The following DDX18 variants were observed in gnomAD, a reference collection of about 807,000 sequenced individuals.
DDX18 encodes ATP-dependent RNA helicase DDX18.
DDX18 carries 23 observed loss-of-function variants against 73.5 expected under a neutral mutation model. That is an observed-to-expected ratio of 0.31 (90% CI 0.23 to 0.44). The LOEUF (loss-of-function observed/expected upper bound fraction) is 0.44, where lower values mean the gene tolerates loss of function less well. Among genes scored for constraint, DDX18 ranks in the 20% least tolerant of loss-of-function variants. The pLI is 1.00. For synonymous variants in DDX18, 268 were observed against 282.7 expected (o/e 0.95, Z 0.52); for missense variants, 753 against 792.9 (o/e 0.95, Z 0.60).
chr2:117,815,954 G>A (rs1331639651), intron 1 of DDX18, among the ~76,000 whole-genome samples: 1 of 152,166 alleles, frequency 6.6e-6, no homozygotes, highest in Non-Finnish European at 1.5e-5. Context: ...CTCGTAAGCT[G>A]TCATCCTGTA....
intron 7 of DDX18, among the ~76,000 whole-genome samples, chr2:117,822,977 C>G (rs1679871553): frequency 6.6e-6 from 1 of 152,090 alleles, no homozygotes; most frequent in Admixed American, 6.5e-5. Context: ...TAGGAGTGTC[C>G]TAGTTGGTAT....
chr2:117,828,858 C>G, intron 11 of DDX18, 91 bp from the exon 12 acceptor site: 1 of 895,552 alleles, frequency 1.1e-6, no homozygotes, highest in Non-Finnish European at 1.8e-6. Flanking sequence ...GAGGGAATTT[C>G]ATAGGCCGGT....
rs1220875980 is a variant in DDX18 at position 117,830,880 on chromosome 2, C to G, written c.*156C>G. 1.3e-6 allele frequency: 1 copy of G among 774,936 alleles called. No homozygotes were observed. The highest frequency in any genetic ancestry group is 1.8e-5 in the African/African-American group (1 of 55,104). The allele number at this position is 774,936 out of a possible 1,614,324, so 48.0% of individuals were successfully genotyped here. On this transcript the variant is annotated 3_prime_UTR_variant, in exon 14 of 14. Coordinates refer to ENST00000263239, the MANE Select transcript of DDX18 (RefSeq NM_006773.4). ...AAGCACTGAGCACTGTTACTTCTATCACGTCTCTCTTTTATTTCTGGGATA... is the reference window on the plus strand; with the variant it reads ...AAGCACTGAGCACTGTTACTTCTATGACGTCTCTCTTTTATTTCTGGGATA...
chr2:117,829,599 G>A (rs145751125), intron 13 of DDX18, 133 bp downstream of exon 13: 3 of 868,514 alleles, frequency 3.5e-6, no homozygotes, highest in Non-Finnish European at 5.4e-6. Context: ...CCTGGTCGAT[G>A]TCTGCTTTTC....
chr2:117,816,969 C>T (rs17047447), intron 1 of DDX18, among the ~76,000 whole-genome samples: 3,282 of 152,314 alleles, frequency 0.022, 120 homozygotes, highest in African/African-American at 0.074. Flanking sequence ...GTGGTCTTAT[C>T]AACTGAATTT....
chr2:117,816,723 T>G (rs1459086431), intron 1 of DDX18, among the ~76,000 whole-genome samples: 1 of 152,262 alleles, frequency 6.6e-6, no homozygotes, highest in Admixed American at 6.5e-5. Flanking sequence ...TACATAATTA[T>G]GTGTGCTGTA....
At position 117,821,666 on chromosome 2, in the gene DDX18, G is replaced by A; in HGVS notation, c.667G>A (p.Ala223Thr). Residue 223 changes from alanine to threonine, a missense_variant, in exon 5 of 14, where the codon GCA becomes ACA. Physicochemically the swap from Ala to Thr is moderately conservative, Grantham distance 58 (BLOSUM62 0). Transcript: ENST00000263239. Reference sequence around the variant, plus strand: ...AATATTTAGGGATCTTCTAGCAGCTGCAAAAACAGGCAGTGGTAAAACCCT... The same window carrying A: ...AATATTTAGGGATCTTCTAGCAGCTACAAAAACAGGCAGTGGTAAAACCCT... ...LLEGRDLLAA[A>T]KTGSGKTLAF... The A allele has an allele frequency of 6.2e-7, 1 of 1,613,938 alleles. No homozygotes were observed.
intron 1 of DDX18, among the ~76,000 whole-genome samples, chr2:117,815,962 G>A (rs1337263349): frequency 6.6e-6 from 1 of 152,098 alleles, no homozygotes; most frequent in East Asian, 1.9e-4. Context: ...CTGTCATCCT[G>A]TACAGCATGT....
intron 1 of DDX18, 138 bp downstream of exon 1, chr2:117,815,000 C>A: frequency 1.2e-6 from 1 of 839,882 alleles, no homozygotes; most frequent in South Asian, 1.6e-5. Context: ...AGTGAAAAGG[C>A]AGCTTCCACT....
Position 117,814,882 on chromosome 2 carries a change from G to C in DDX18, c.85+20G>C, listed in dbSNP as rs1296223815. On this transcript the variant is annotated intron_variant, in intron 1 of 13. Coordinates refer to ENST00000263239, the MANE Select transcript of DDX18 (RefSeq NM_006773.4). Reference sequence around the variant, plus strand: ...TTCAGGGTGAGATGCGTTGACTCGCGGTGGCTCAGAAGACCCACGCGCGAG... The same window carrying C: ...TTCAGGGTGAGATGCGTTGACTCGCCGTGGCTCAGAAGACCCACGCGCGAG... The C allele has an allele frequency of 1.9e-6, 3 of 1,613,750 alleles. No homozygotes were observed. The highest frequency in any genetic ancestry group is 2.5e-6 in the Non-Finnish European group (3 of 1,179,860).
chr2:117,814,963 T>G, intron 1 of DDX18, 101 bp downstream of exon 1: 3 of 1,204,316 alleles, frequency 2.5e-6, no homozygotes, highest in Non-Finnish European at 3.7e-6. Flanking sequence ...GGAGGCAGCT[T>G]CCCCTGCAGC....
Position 117,819,708 on chromosome 2 carries a change from A to G in DDX18, c.430A>G (p.Thr144Ala), listed in dbSNP as rs1679813684. The G allele has an allele frequency of 6.2e-7, 1 of 1,609,562 alleles. No homozygotes were observed. Among genetic ancestry groups the G allele is most frequent in the African/African-American group, 1.3e-5 (1 of 74,750 alleles). ...ATCTGAAGAAGAAAGTGCCGAGACT[A>G]CTAAAGAAACAGAAAATAATGTGGA... ...GKSEEESAET[T>A]KETENNVEKP... The change falls in exon 3 of 14, where the codon ACT (threonine) becomes GCT (alanine). Residue 144 changes from threonine (T) to alanine (A), a missense_variant. Around this residue, in one of 3 missense-constraint regions of DDX18, gnomAD observed 345 missense variants for 352.0 expected, o/e 0.98. Transcript: ENST00000263239.
In DDX18 at chr2:117,821,926, G is replaced by C; in HGVS notation, c.816G>C (p.Lys272Asn). ...ELAMQTFGVL[K>N]ELMTHHVHTY... is the part of the protein sequence containing the mutation. ...CCATGCAAACCTTTGGTGTTCTTAA[G>C]GAGCTGATGACTCACCACGTGCATA... is the stretch of plus-strand genomic sequence containing the variant. Residue 272 changes from lysine (K) to asparagine (N), a missense_variant, in exon 6 of 14, where the codon AAG (lysine) becomes AAC (asparagine). Transcript: ENST00000263239. 1 of 1,614,084 alleles carries C rather than the reference G, an allele frequency of 6.2e-7. No homozygotes were observed. Among genetic ancestry groups the C allele is most frequent in the South Asian group, 1.1e-5 (1 of 91,088 alleles).
At chr2:117,818,076 A>G (rs1679788027) in intron 2 of DDX18, among the ~76,000 whole-genome samples, 1 of 152,134 alleles carries the variant, frequency 6.6e-6, no homozygotes, top group South Asian at 2.1e-4. Flanking sequence ...TCCCTTTGAA[A>G]GGAATATTAG....
intron 11 of DDX18, 31 bp downstream of exon 11, chr2:117,826,413 C>T (rs1194912287): frequency 6.3e-7 from 1 of 1,593,388 alleles, no homozygotes; most frequent in Non-Finnish European, 8.6e-7. Context: ...AAAGATTTCT[C>T]TTGGTGTAGG....
chr2:117,825,633 C>A, intron 10 of DDX18, 34 bp downstream of exon 10: 1 of 1,602,996 alleles, frequency 6.2e-7, no homozygotes, highest in Non-Finnish European at 8.5e-7. Flanking sequence ...TTCAGAATGA[C>A]TCTGCATTAA....
Position 117,817,611 on chromosome 2 carries a change from A to G in DDX18, c.253A>G (p.Lys85Glu), listed in dbSNP as rs1679781227. 1.9e-6 allele frequency: 3 copies of G among 1,613,934 alleles called. No homozygotes were observed. Among genetic ancestry groups the G allele is most frequent in the African/African-American group, 1.3e-5 (1 of 74,926 alleles). The change falls in exon 2 of 14, where the codon AAG becomes GAG. Residue 85 changes from lysine to glutamate, a missense_variant. Physicochemically the swap from Lys to Glu is moderately conservative, Grantham distance 56. This residue lies in a region of DDX18 where 345 missense variants were observed against 352.0 expected (regional missense o/e 0.98). Transcript: ENST00000263239. ...AGCAGTGGGAAATATAAAAGTTACA[A>G]AGTCTCCCCAGAAATCCACTGTATT... ...QEAVGNIKVT[K>E]SPQKSTVLTN...
At chr2:117,827,342 T>TTTATTATTA (rs1379182273) in intron 11 of DDX18, 2 of 152,192 alleles carry the variant, frequency 1.3e-5, no homozygotes, top group African/African-American at 4.8e-5. Flanking sequence ...TCTTTCTTTT[T>TTTATTATTA]TTATTATTAT....
chr2:117,820,121 G>A (rs752763371), intron 3 of DDX18, among the ~76,000 whole-genome samples: 1 of 152,172 alleles, frequency 6.6e-6, no homozygotes. Context: ...CCTGTACGAG[G>A]TTAACCTCCT....
Sources: gnomAD v4.1 joint callset for allele counts (sites outside exome capture counted in the v4.1 genomes callset) on GRCh38, gnomAD v4.1.1 for gene constraint, gnomAD v4.1.1 regional missense constraint, MANE v1.5 for transcripts, NCBI Gene and HGNC (gene_info 2026-07-23, HGNC 2026-07-21) for gene names.